FDCSP: variants seen among roughly 807,000 people sequenced by gnomAD.
FDCSP encodes follicular dendritic cell secreted protein.
FDCSP carries 8 observed loss-of-function variants against 8.9 expected under a neutral mutation model. The ratio of observed to expected loss-of-function variants is 0.90; its 90% CI spans 0.53 to 1.63. FDCSP has a LOEUF of 1.63. Among genes scored for constraint, FDCSP ranks in the 40% most tolerant of loss-of-function variants. The pLI is 0.00. For synonymous variants in FDCSP, 34 were observed against 34.5 expected, an observed-to-expected ratio of 0.98 and a Z score of 0.06; for missense variants, 101 against 103.6, an observed-to-expected ratio of 0.98 and a Z score of 0.11.
intron 1 of FDCSP, among the ~76,000 whole-genome samples, chr4:70,230,477 C>T (rs1730061180): frequency 6.6e-6 from 1 of 151,528 alleles, no homozygotes; most frequent in Non-Finnish European, 1.5e-5. Flanking sequence ...TACATTTTAA[C>T]AGTGTGTGTA....
At chr4:70,232,736 A>G (rs538405943) in intron 2 of FDCSP, among the ~76,000 whole-genome samples, 2 of 151,726 alleles carry the variant, frequency 1.3e-5, no homozygotes, top group Middle Eastern at 3.4e-3. Context: ...CAGTCCAGAA[A>G]ATACTATAAA....
chr4:70,227,326 C>T (rs962514319), intron 1 of FDCSP, among the ~76,000 whole-genome samples: 1 of 151,688 alleles, frequency 6.6e-6, no homozygotes, highest in Non-Finnish European at 1.5e-5. Context: ...ACATTCCTGT[C>T]TTCTCAAAAT....
At chr4:70,231,343 C>T in intron 2 of FDCSP, 92 bp downstream of exon 2, 1 of 1,038,110 alleles carries the variant, frequency 9.6e-7, no homozygotes, top group Non-Finnish European at 1.4e-6. Flanking sequence ...AAGGGTGGTC[C>T]CAAAAGATTA....
In FDCSP at chr4:70,234,147, C is replaced by T; in HGVS notation, c.218C>T (p.Pro73Leu). Residue 73 changes from proline (P) to leucine (L), a missense_variant, in exon 4 of 5, where the codon CCT becomes CTT. By Grantham distance (98) the Pro-to-Leu change is moderately conservative (BLOSUM62 -3). Transcript: ENST00000317987. ...WFRRNFPIPI[P>L]ESAPTTPLPS... ...AGACGTAATTTTCCTATTCCAATAC[C>T]TGAATCTGCCCCTACAACTCCCCTT... The T allele has an allele frequency of 6.2e-7, 1 of 1,610,484 alleles. No individual in the cohort carries two copies. The highest frequency in any genetic ancestry group is 8.5e-7 in the Non-Finnish European group (1 of 1,177,956).
intron 4 of FDCSP, 64 bp downstream of exon 4, chr4:70,234,279 AGG>A: frequency 7.4e-7 from 1 of 1,359,070 alleles, no homozygotes; most frequent in Non-Finnish European, 9.9e-7. Context: ...CATAATTTCA[AGG>A]AAAAAAAAAT....
intron 1 of FDCSP, 57 bp downstream of exon 1, chr4:70,226,239 A>G (rs1729983165): frequency 6.6e-6 from 1 of 151,964 alleles, no homozygotes; most frequent in Admixed American, 6.6e-5. Flanking sequence ...TTTTGTAAAT[A>G]TAGATATATA....
chr4:70,227,864 T>G (rs1578247240), intron 1 of FDCSP, among the ~76,000 whole-genome samples: 1 of 151,816 alleles, frequency 6.6e-6, no homozygotes, highest in African/African-American at 2.4e-5. Flanking sequence ...TAAAACATAC[T>G]TTATTGCTCA....
intron 1 of FDCSP, among the ~76,000 whole-genome samples, chr4:70,227,195 G>A (rs900250173): frequency 6.6e-6 from 1 of 151,668 alleles, no homozygotes; most frequent in African/African-American, 2.4e-5. Flanking sequence ...CTATGTATAT[G>A]TATGTGTGTG....
intron 1 of FDCSP, among the ~76,000 whole-genome samples, chr4:70,230,014 A>G (rs778161948): frequency 2.0e-5 from 3 of 151,722 alleles, no homozygotes; most frequent in Non-Finnish European, 4.4e-5. Flanking sequence ...CCACTCAATT[A>G]GTAAAAAACA....
At position 70,226,568 on chromosome 4, in the gene FDCSP, G is replaced by A. The variant is rs115390461; in HGVS notation, c.-1+386G>A. 5.5e-3 allele frequency among the ~76,000 whole-genome samples: 835 copies of A among 151,904 alleles called. 9 individuals are homozygous for A. Among genetic ancestry groups the A allele is most frequent in the African/African-American group, 0.019 (790 of 41,478 alleles). On this transcript the variant is annotated intron_variant, in intron 1 of 4. Transcript: ENST00000317987. Reference sequence around the variant, plus strand: ...TACGCCCCGCCAGAGATTCTCTAAAGTCTGAGCAAGTGCCAATTTCTTTGG... The same window carrying A: ...TACGCCCCGCCAGAGATTCTCTAAAATCTGAGCAAGTGCCAATTTCTTTGG...
chr4:70,229,225 C>G (rs1214864289), intron 1 of FDCSP, among the ~76,000 whole-genome samples: 5 of 151,748 alleles, frequency 3.3e-5, no homozygotes, highest in Admixed American at 6.6e-5. Context: ...TAGCTTCCAA[C>G]TTTTCATCTG....
intron 1 of FDCSP, among the ~76,000 whole-genome samples, chr4:70,227,836 C>T (rs1730013701): frequency 6.6e-6 from 1 of 151,728 alleles, no homozygotes; most frequent in Admixed American, 6.6e-5. Flanking sequence ...TCTAGAAAAA[C>T]AACATACATA....
chr4:70,231,935 C>T (rs1392136703), intron 2 of FDCSP, among the ~76,000 whole-genome samples: 2 of 151,482 alleles, frequency 1.3e-5, no homozygotes, highest in African/African-American at 4.8e-5. Flanking sequence ...GTTTATGTCT[C>T]AGTTTTAAAC....
At position 70,229,065 on chromosome 4, in the gene FDCSP, T is replaced by C. The variant is rs116449968; in HGVS notation, c.1-2130T>C. On this transcript the variant is annotated intron_variant, in intron 1 of 4. Coordinates refer to ENST00000317987, the MANE Select transcript of FDCSP (RefSeq NM_152997.4). ...CTTTAGCTATGAAAGTTCTAGATGG[T>C]ATCTTTCTCCAAAATAAGACTGTTT... is the stretch of plus-strand genomic sequence containing the variant. Among the ~76,000 whole-genome samples, 1,116 of 151,954 alleles carry C rather than the reference T, an allele frequency of 7.3e-3. 13 individuals are homozygous for C. Among genetic ancestry groups the C allele is most frequent in the African/African-American group, 0.025 (1,052 of 41,514 alleles).
chr4:70,229,853 A>C (rs1730050600), intron 1 of FDCSP, among the ~76,000 whole-genome samples: 1 of 151,766 alleles, frequency 6.6e-6, no homozygotes, highest in African/African-American at 2.4e-5. Flanking sequence ...CATCTTTATA[A>C]TGTCTTATAG....
At chr4:70,232,171 A>C (rs1192965224) in intron 2 of FDCSP, among the ~76,000 whole-genome samples, 1 of 151,660 alleles carries the variant, frequency 6.6e-6, no homozygotes, top group Non-Finnish European at 1.5e-5. Flanking sequence ...CAAAGTCCAC[A>C]GGAGTAAACA....
intron 1 of FDCSP, among the ~76,000 whole-genome samples, chr4:70,229,566 G>A (rs1436749207): frequency 6.6e-6 from 1 of 151,620 alleles, no homozygotes; most frequent in Non-Finnish European, 1.5e-5. Context: ...GGAGACATGC[G>A]ACTCTTCCTT....
chr4:70,232,273 C>T (rs1344267684), intron 2 of FDCSP, among the ~76,000 whole-genome samples: 1 of 151,528 alleles, frequency 6.6e-6, no homozygotes, highest in Non-Finnish European at 1.5e-5. Flanking sequence ...GGTACATAAC[C>T]TATACAAGTG....
rs114173241 is a variant in FDCSP, at chr4:70,233,874, A to G, written c.91-146A>G. On this transcript the variant is annotated intron_variant, in intron 3 of 4. Coordinates refer to ENST00000317987, the MANE Select transcript of FDCSP (RefSeq NM_152997.4). ...ATGCAAATTAATAAACTCCCTGTCC[A>G]TAGTACACACAGAAAGGATAAAGGA... The G allele has an allele frequency of 3.9e-3, 2,597 of 660,974 alleles. 43 individuals are homozygous for G. The highest frequency in any genetic ancestry group is 0.036 in the African/African-American group (1,981 of 54,360). 40.9% of individuals were successfully genotyped at this position (660,974 alleles called of 1,614,324 possible).
Sources: gnomAD v4.1 joint callset for allele counts (sites outside exome capture counted in the v4.1 genomes callset) on GRCh38, gnomAD v4.1.1 for gene constraint, MANE v1.5 for transcripts, NCBI Gene and HGNC (gene_info 2026-07-23, HGNC 2026-07-21) for gene names.